Variants in TENM3 observed in about 807,000 individuals in gnomAD.
The protein encoded by TENM3 is teneurin transmembrane protein 3.
A neutral mutation model predicts 255.1 loss-of-function variants in TENM3; 63 were observed. That is an observed-to-expected ratio of 0.25 (90% CI 0.20 to 0.30). TENM3 has a LOEUF of 0.30. Ranked by LOEUF, TENM3 falls within the 10% of genes least tolerant of loss-of-function variation. TENM3 has a pLI of 1.00. For missense variants in TENM3, 2,929 were observed against 3,461.1 expected (o/e 0.85, Z 3.86); for synonymous variants, 1,306 against 1,322.3 (o/e 0.99, Z 0.27).
At chr4:182,235,233 A>G (rs1010216731) in intron 1 of TENM3, among the ~76,000 whole-genome samples, 1 of 152,194 alleles carries the variant, frequency 6.6e-6, no homozygotes, top group Non-Finnish European at 1.5e-5. Flanking sequence ...GGGGCACAGT[A>G]GTGATTCTGG....
chr4:182,451,236 G>A (rs977206350), intron 3 of TENM3, among the ~76,000 whole-genome samples: 4 of 152,002 alleles, frequency 2.6e-5, no homozygotes, highest in African/African-American at 4.8e-5. Flanking sequence ...TGGCTGTTGC[G>A]TCACGTTTCT....
At chr4:182,060,291 G>A in the TENM3 span, among the ~76,000 whole-genome samples, 36 of 152,050 alleles carry the variant, frequency 2.4e-4, no homozygotes, top group African/African-American at 8.0e-4. Flanking sequence ...CAACCTTTTT[G>A]GCACCAGGGA....
At chr4:182,781,203 T>G (rs1275740330) in intron 24 of TENM3, among the ~76,000 whole-genome samples, 51 of 151,394 alleles carry the variant, frequency 3.4e-4, no homozygotes, top group Admixed American at 1.3e-3. Flanking sequence ...TTGTCATAGA[T>G]AGCTCTTATT....
At chr4:181,593,628 T>G in the TENM3 span, among the ~76,000 whole-genome samples, 75,260 of 152,040 alleles carry the variant, frequency 0.5, 18,834 homozygotes, top group Non-Finnish European at 0.51. Flanking sequence ...ATACATATTT[T>G]TAAACTATTG....
Position 182,755,215 on chromosome 4 carries a change from T to C in TENM3, c.4848T>C (p.Leu1616=). The C allele has an allele frequency of 6.2e-7, 1 of 1,610,358 alleles. No individual in the cohort carries two copies. Among genetic ancestry groups the C allele is most frequent in the Non-Finnish European group, 8.5e-7 (1 of 1,179,658 alleles). Residue 1616 remains leucine, a synonymous_variant, in exon 22 of 28, where the codon CTT becomes CTC. Transcript: ENST00000511685. ...VLFTYHGNSG[L]LATKSDETGW... ...TTACTTACCATGGCAATAGTGGCCTTTTAGCCACTAAAAGTGATGAAACTG... is the reference window on the plus strand; with the variant it reads ...TTACTTACCATGGCAATAGTGGCCTCTTAGCCACTAAAAGTGATGAAACTG...
At chr4:181,604,915 GTGA>G in the TENM3 span, among the ~76,000 whole-genome samples, 1 of 152,184 alleles carries the variant, frequency 6.6e-6, no homozygotes, top group Non-Finnish European at 1.5e-5. Context: ...GGAGAATAGG[GTGA>G]TAAGACTACC....
chr4:182,201,607 G>T (rs1754190109), intron 1 of TENM3, among the ~76,000 whole-genome samples: 2 of 152,064 alleles, frequency 1.3e-5, no homozygotes, highest in East Asian at 1.9e-4. Flanking sequence ...AGATCCAGGG[G>T]TGGGGGCAGC....
At chr4:182,426,007 C>CAAAA (rs55836889) in intron 3 of TENM3, among the ~76,000 whole-genome samples, 15 of 90,724 alleles carry the variant, frequency 1.7e-4, no homozygotes, top group South Asian at 1.1e-3. Flanking sequence ...GAGTCCATGT[C>CAAAA]AAAAAAAAAA....
chr4:182,458,253 A>G (rs1774026861), intron 3 of TENM3, among the ~76,000 whole-genome samples: 1 of 152,170 alleles, frequency 6.6e-6, no homozygotes, highest in East Asian at 1.9e-4. Flanking sequence ...TGACATTTCT[A>G]TTCCCCATTG....
intron 4 of TENM3, among the ~76,000 whole-genome samples, chr4:182,603,650 C>T (rs2152417588): frequency 6.6e-6 from 1 of 151,760 alleles, no homozygotes; most frequent in East Asian, 1.9e-4. Context: ...GTTAAGGTTC[C>T]CTATTGAGTA....
the TENM3 span, among the ~76,000 whole-genome samples, chr4:182,033,998 A>G: frequency 2.0e-5 from 3 of 152,278 alleles, no homozygotes; most frequent in East Asian, 5.8e-4. Flanking sequence ...AGACTGGGTA[A>G]TGTTTAAAGG....
the TENM3 span, among the ~76,000 whole-genome samples, chr4:181,764,395 G>A: frequency 6.6e-6 from 1 of 152,062 alleles, no homozygotes; most frequent in Admixed American, 6.6e-5. Flanking sequence ...ACCCCATCAT[G>A]GAATTTTGTA....
At chr4:181,795,293 A>C in the TENM3 span, among the ~76,000 whole-genome samples, 1 of 151,970 alleles carries the variant, frequency 6.6e-6, no homozygotes, top group South Asian at 2.1e-4. Flanking sequence ...CTCTGTGAGG[A>C]TCCCTTTCCT....
the TENM3 span, among the ~76,000 whole-genome samples, chr4:182,059,924 T>C: frequency 6.6e-6 from 1 of 150,798 alleles, no homozygotes; most frequent in South Asian, 2.1e-4. Flanking sequence ...CAGAGTAAGG[T>C]CCTGTCTCAA....
chr4:181,589,016 A>G, the TENM3 span, among the ~76,000 whole-genome samples: 1 of 152,188 alleles, frequency 6.6e-6, no homozygotes. Context: ...TAGACATCAT[A>G]TATTAGACAT....
At chr4:182,198,109 A>T (rs1295731086) in intron 1 of TENM3, among the ~76,000 whole-genome samples, 2 of 152,070 alleles carry the variant, frequency 1.3e-5, no homozygotes, top group Non-Finnish European at 1.5e-5. Flanking sequence ...CATCTCAAAA[A>T]AAATAAATAA....
the TENM3 span, among the ~76,000 whole-genome samples, chr4:181,781,503 T>C: frequency 3.9e-5 from 6 of 152,214 alleles, no homozygotes; most frequent in Non-Finnish European, 5.9e-5. Context: ...GCTTATCAGC[T>C]TAAAGAGATT....
chr4:182,093,360 A>C, the TENM3 span, among the ~76,000 whole-genome samples: 1 of 152,090 alleles, frequency 6.6e-6, no homozygotes, highest in Non-Finnish European at 1.5e-5. Flanking sequence ...GTCTCTCTCA[A>C]TCCACACATC....
At chr4:182,193,235 T>C (rs1753630910) in intron 1 of TENM3, among the ~76,000 whole-genome samples, 1 of 152,150 alleles carries the variant, frequency 6.6e-6, no homozygotes, top group Admixed American at 6.6e-5. Flanking sequence ...ATGTCACGAG[T>C]ATAAAAATGT....
Sources: gnomAD v4.1 joint callset for allele counts (sites outside exome capture counted in the v4.1 genomes callset) on GRCh38, gnomAD v4.1.1 for gene constraint, MANE v1.5 for transcripts, NCBI Gene and HGNC (gene_info 2026-07-23, HGNC 2026-07-21) for gene names.